The following E2F3 variants were observed in gnomAD, a reference collection of about 807,000 sequenced individuals.
E2F3 encodes the protein E2F transcription factor 3.
E2F3 carries 11 observed loss-of-function variants against 44.4 expected under a neutral mutation model. The observed-to-expected ratio is 0.25, with a 90% CI of 0.16 to 0.41. The LOEUF (loss-of-function observed/expected upper bound fraction) is 0.41, where lower values mean the gene tolerates loss of function less well. E2F3 is among the 10% of genes least tolerant of loss of function. E2F3 has a pLI of 1.00. For synonymous variants in E2F3, 249 were observed against 253.0 expected (o/e 0.98, Z 0.15); for missense variants, 487 against 583.6 (o/e 0.83, Z 1.70).
intron 1 of E2F3, among the ~76,000 whole-genome samples, chr6:20,407,157 A>G (rs894643581): frequency 7.9e-5 from 12 of 152,162 alleles, no homozygotes; most frequent in African/African-American, 1.9e-4. Context: ...CTGTGGTTCT[A>G]TACTCAATAA....
intron 1 of E2F3, among the ~76,000 whole-genome samples, chr6:20,404,725 G>A (rs1759435325): frequency 6.6e-6 from 1 of 152,140 alleles, no homozygotes; most frequent in South Asian, 2.1e-4. Context: ...GAAGCTCATC[G>A]TTTTTTAGTG....
intron 1 of E2F3, among the ~76,000 whole-genome samples, chr6:20,414,569 T>G (rs1478343673): frequency 6.6e-6 from 1 of 152,240 alleles, no homozygotes; most frequent in Non-Finnish European, 1.5e-5. Context: ...GAAAGAGCCG[T>G]GTAAATTCTA....
At chr6:20,451,167 G>A (rs1035104984) in intron 1 of E2F3, among the ~76,000 whole-genome samples, 1 of 152,186 alleles carries the variant, frequency 6.6e-6, no homozygotes, top group African/African-American at 2.4e-5. Flanking sequence ...TGTGAAGAAT[G>A]TTGTTGGTAG....
chr6:20,458,515 G>A (rs1185844873), intron 1 of E2F3, among the ~76,000 whole-genome samples: 1 of 152,116 alleles, frequency 6.6e-6, no homozygotes, highest in Non-Finnish European at 1.5e-5. Context: ...TCATGGTGGT[G>A]CTTGCCGGTG....
intron 1 of E2F3, among the ~76,000 whole-genome samples, chr6:20,455,453 G>A (rs1443995781): frequency 6.6e-6 from 1 of 152,176 alleles, no homozygotes; most frequent in East Asian, 1.9e-4. Context: ...ATCTTTGAGA[G>A]CTCCAGGGAA....
chr6:20,420,936 T>C lies in E2F3; in HGVS notation c.393+18311T>C, dbSNP rs9465737. On this transcript the variant is annotated intron_variant, in intron 1 of 6. Coordinates refer to ENST00000346618, the MANE Select transcript of E2F3 (RefSeq NM_001949.5). ...CTTCTTTCAAAATCAGAGTAATCCT[T>C]CCCAAACTGTCCTGCTGCTTTATCA... 4.3e-3 allele frequency among the ~76,000 whole-genome samples: 662 copies of C among 152,346 alleles called. 4 individuals carry two copies. Among genetic ancestry groups the C allele is most frequent in the African/African-American group, 0.015 (611 of 41,570 alleles).
chr6:20,460,296 T>C (rs1761457711), intron 1 of E2F3, among the ~76,000 whole-genome samples: 1 of 152,206 alleles, frequency 6.6e-6, no homozygotes, highest in South Asian at 2.1e-4. Context: ...CTATCAGAAG[T>C]ATATAGGATG....
At chr6:20,418,141 G>A (rs1220945786) in intron 1 of E2F3, among the ~76,000 whole-genome samples, 2 of 152,164 alleles carry the variant, frequency 1.3e-5, no homozygotes, top group Non-Finnish European at 2.9e-5. Flanking sequence ...GAGGTCTAGC[G>A]TGACTAAACC....
rs1759315059 is a variant in E2F3 at position 20,401,898 on chromosome 6, T to C, written c.-335T>C. The C allele has an allele frequency of 5.3e-6, 2 of 380,522 alleles. No individual in the cohort carries two copies. Among genetic ancestry groups the C allele is most frequent in the South Asian group, 5.0e-5 (1 of 19,870 alleles). The allele number at this position is 380,522 out of a possible 1,614,324, so 23.6% of individuals were successfully genotyped here. ...CCCTTCATTCATTGTCAGCAGCAGC[T>C]TCCTGGAGCCATTTTTCAGCTGCCG... On this transcript the variant is annotated 5_prime_UTR_variant, in exon 1 of 7. Transcript: ENST00000346618.
In E2F3 at chr6:20,481,068, A is replaced by G. The variant is rs1762207414; in HGVS notation, c.506-138A>G. The G allele has an allele frequency of 3.9e-6, 3 of 762,354 alleles. No individual in the cohort carries two copies. In the East Asian group the frequency reaches 8.1e-5, roughly 21 times the overall value. The allele number at this position is 762,354 out of a possible 1,614,324, so 47.2% of individuals were successfully genotyped here. A position where few individuals can be genotyped will look rare whatever the true frequency, so the allele number is the denominator to read the frequency against. On this transcript the variant is annotated intron_variant, in intron 2 of 6. Transcript: ENST00000346618. ...AGCTTTCTATGACTTGCCAACACCA[A>G]CAGCAACGACAGCCTTGCTTCAGAT...
At chr6:20,437,446 A>G (rs1032110132) in intron 1 of E2F3, among the ~76,000 whole-genome samples, 2 of 152,172 alleles carry the variant, frequency 1.3e-5, no homozygotes, top group Non-Finnish European at 2.9e-5. Context: ...ATTCATGAAT[A>G]TAGAAAATTC....
chr6:20,476,549 T>C (rs942009099), intron 1 of E2F3, among the ~76,000 whole-genome samples: 3 of 152,214 alleles, frequency 2.0e-5, no homozygotes, highest in Admixed American at 1.3e-4. Flanking sequence ...GGCCCCATTC[T>C]CAGGCAGCTT....
chr6:20,454,643 T>C (rs774184915), intron 1 of E2F3, among the ~76,000 whole-genome samples: 1 of 152,218 alleles, frequency 6.6e-6, no homozygotes, highest in Non-Finnish European at 1.5e-5. Flanking sequence ...TTCTATAATA[T>C]GCTAAGGAGT....
chr6:20,457,438 C>T (rs1275867486), intron 1 of E2F3, among the ~76,000 whole-genome samples: 5 of 150,072 alleles, frequency 3.3e-5, no homozygotes, highest in South Asian at 2.1e-4. Flanking sequence ...CCGACCACCT[C>T]GGCCTCCCAA....
chr6:20,424,347 G>T (rs542196834), intron 1 of E2F3, among the ~76,000 whole-genome samples: 4 of 138,502 alleles, frequency 2.9e-5, no homozygotes, highest in Non-Finnish European at 4.6e-5. Flanking sequence ...CACTTGAAAT[G>T]CCCTTTTCTC....
intron 1 of E2F3, among the ~76,000 whole-genome samples, chr6:20,442,087 T>C (rs1181183677): frequency 2.0e-5 from 3 of 152,036 alleles, no homozygotes; most frequent in Admixed American, 6.6e-5. Flanking sequence ...CGAGTCTGCC[T>C]GCCCCTTTGG....
At chr6:20,427,575 A>T (rs1185951794) in intron 1 of E2F3, among the ~76,000 whole-genome samples, 1 of 152,104 alleles carries the variant, frequency 6.6e-6, no homozygotes, top group East Asian at 1.9e-4. Flanking sequence ...ACCTTCTGTG[A>T]CTGTCCACTA....
intron 1 of E2F3, among the ~76,000 whole-genome samples, chr6:20,412,651 C>G (rs1188447875): frequency 6.6e-6 from 1 of 151,978 alleles, no homozygotes; most frequent in East Asian, 1.9e-4. Context: ...GGGGATTGTT[C>G]ACGAATAAAG....
chr6:20,412,985 C>A (rs922361718), intron 1 of E2F3, among the ~76,000 whole-genome samples: 7 of 152,150 alleles, frequency 4.6e-5, no homozygotes, highest in African/African-American at 1.4e-4. Context: ...CACATAACAA[C>A]CTATGAAGTG....
Sources: allele counts gnomAD v4.1 joint callset (sites outside exome capture counted in the v4.1 genomes callset), GRCh38; gene constraint gnomAD v4.1.1; transcripts MANE v1.5; gene names NCBI Gene and HGNC (gene_info 2026-07-23, HGNC 2026-07-21).